The following CEP57L1 variants were observed in gnomAD, a reference collection of about 807,000 sequenced individuals.
CEP57L1 encodes the protein centrosomal protein CEP57L1.
Under a neutral mutation model 61.0 loss-of-function variants are expected in CEP57L1, and 37 were observed. The observed-to-expected ratio is 0.61, with a 90% CI of 0.47 to 0.80. The LOEUF is 0.80. CEP57L1 is among the 30% of genes least tolerant of loss of function. The probability of loss-of-function intolerance (pLI) is 0.00; values close to 1 mark genes in which losing one functional copy is unlikely to be tolerated. For missense variants in CEP57L1, 422 were observed against 524.7 expected (o/e 0.80, Z 1.91); for synonymous variants, 137 against 162.3 (o/e 0.84, Z 1.19).
Position 109,159,047 on chromosome 6 carries a change from G to A in CEP57L1, c.767G>A (p.Arg256Gln), listed in dbSNP as rs748506005. The A allele has an allele frequency of 1.7e-5, 27 of 1,613,330 alleles. 2 individuals carry two copies. The highest frequency in any genetic ancestry group is 6.7e-5 in the Admixed American group (4 of 59,996). ...TAGAAAACTAAATGTATAAAGAGAC[G>A]ACCACCTTGGCAAATTTGTTCAAAG... ...SSKKTKCIKR[R>Q]PPWQICSKFG... The change falls in exon 8 of 11, where the codon CGA becomes CAA. Residue 256 changes from arginine to glutamine, a missense_variant. By Grantham distance (43) the Arg-to-Gln change is conservative. Coordinates refer to ENST00000517392, the MANE Select transcript of CEP57L1 (RefSeq NM_001271852.3).
At position 109,154,125 on chromosome 6, in the gene CEP57L1, A is replaced by G. The variant is rs193125090; in HGVS notation, c.579+176A>G. ...AAAAGTTAATGCGTTCTGTCACAGT[A>G]TGAATGAGCTGTCTTTTGATGTGAA... On this transcript the variant is annotated intron_variant, in intron 5 of 10. Transcript: ENST00000517392. Among the ~76,000 whole-genome samples the G allele has an allele frequency of 6.5e-4, 99 of 152,342 alleles. No individual in the cohort carries two copies. Among genetic ancestry groups the G allele is most frequent in the Middle Eastern group, 6.8e-3 (2 of 294 alleles).
rs1439891890 is a variant in CEP57L1 at position 109,164,501 on chromosome 6, T to G, written c.*1531T>G. On this transcript the variant is annotated 3_prime_UTR_variant, in exon 11 of 11. Coordinates refer to ENST00000517392, the MANE Select transcript of CEP57L1 (RefSeq NM_001271852.3). ...CTTTCACTCCCACTCATTCACACCC[T>G]TAGCTCCTCAGCCCTGGAGATGTTC... Among the ~76,000 whole-genome samples the G allele has an allele frequency of 2.0e-5, 3 of 152,150 alleles. No individual in the cohort carries two copies. The highest frequency in any genetic ancestry group is 4.4e-5 in the Non-Finnish European group (3 of 68,024).
Position 109,163,680 on chromosome 6 carries a change from T to A in CEP57L1, c.*710T>A, listed in dbSNP as rs1773906055. 6.6e-6 allele frequency: 1 copy of A among 152,140 alleles called. No individual in the cohort carries two copies. The highest frequency in any genetic ancestry group is 2.4e-5 in the African/African-American group (1 of 41,440). 9.4% of individuals were successfully genotyped at this position (152,140 alleles called of 1,614,324 possible). ...CTTTTATTCTTTGCATTGTATGTAA[T>A]GTCCATCAGTATAAATTGAGACTGT... On this transcript the variant is annotated 3_prime_UTR_variant, in exon 11 of 11. Coordinates refer to ENST00000517392, the MANE Select transcript of CEP57L1 (RefSeq NM_001271852.3).
intron 1 of CEP57L1, among the ~76,000 whole-genome samples, chr6:109,133,789 C>T (rs539521106): frequency 2.6e-5 from 4 of 152,224 alleles, no homozygotes; most frequent in South Asian, 2.1e-4. Flanking sequence ...AACACCTCTA[C>T]GCAAATAAAC....
At chr6:109,121,142 TAGC>T (rs1680519739) in intron 1 of CEP57L1, among the ~76,000 whole-genome samples, 1 of 152,194 alleles carries the variant, frequency 6.6e-6, no homozygotes, top group Non-Finnish European at 1.5e-5. Flanking sequence ...ACGGGGAAGT[TAGC>T]AGTGGTTGTT....
chr6:109,131,119 G>A (rs1027903854), intron 1 of CEP57L1, among the ~76,000 whole-genome samples: 9 of 152,110 alleles, frequency 5.9e-5, no homozygotes, highest in Non-Finnish European at 1.0e-4. Context: ...CAATTCGAAT[G>A]TCAAAAGATC....
rs1453150863 is a variant in CEP57L1 at position 109,163,115 on chromosome 6, A to T, written c.*145A>T. 1.6e-6 allele frequency: 1 copy of T among 607,554 alleles called. No individual in the cohort carries two copies. The highest frequency in any genetic ancestry group is 2.9e-6 in the Non-Finnish European group (1 of 346,688). The allele number at this position is 607,554 out of a possible 1,614,324, so 37.6% of individuals were successfully genotyped here. A position where few individuals can be genotyped will look rare whatever the true frequency, so the allele number is the denominator to read the frequency against. ...CATGAAGTTGCAGTATTTAAAAATT[A>T]ATGCCTAATGACCTGGTGGGTTCCA... On this transcript the variant is annotated 3_prime_UTR_variant, in exon 11 of 11. Transcript: ENST00000517392.
At chr6:109,130,969 T>C (rs1562531803) in intron 1 of CEP57L1, 1 of 152,178 alleles carries the variant, frequency 6.6e-6, no homozygotes, top group Non-Finnish European at 1.5e-5. Flanking sequence ...CTGCTCCTCA[T>C]TAAACTGTAT....
chr6:109,145,347 C>T lies in CEP57L1; in HGVS notation c.126C>T (p.Thr42=). 1 of 1,610,806 alleles carries T rather than the reference C, an allele frequency of 6.2e-7. No individual in the cohort carries two copies. The highest frequency in any genetic ancestry group is 8.5e-7 in the Non-Finnish European group (1 of 1,178,024). ...GCCATCCTGCAAACTTAGAAGTTACCTCTCCTAAGATACTTCATAGCCCAA... is the reference window on the plus strand; with the variant it reads ...GCCATCCTGCAAACTTAGAAGTTACTTCTCCTAAGATACTTCATAGCCCAA... ...QNCHPANLEV[T]SPKILHSPNS... Residue 42 remains threonine, a synonymous_variant, in exon 2 of 11, where the codon ACC becomes ACT. Coordinates refer to ENST00000517392, the MANE Select transcript of CEP57L1 (RefSeq NM_001271852.3).
chr6:109,127,297 A>G (rs934170623), intron 1 of CEP57L1, among the ~76,000 whole-genome samples: 1 of 152,164 alleles, frequency 6.6e-6, no homozygotes, highest in African/African-American at 2.4e-5. Context: ...AAATAAACCA[A>G]TTTTACTTGA....
intron 1 of CEP57L1, chr6:109,140,284 T>C (rs1771207099): frequency 6.6e-6 from 1 of 152,166 alleles, no homozygotes; most frequent in African/African-American, 2.4e-5. Context: ...AGTTTTCTTT[T>C]GACTTACAAA....
intron 4 of CEP57L1, among the ~76,000 whole-genome samples, chr6:109,153,338 CTCAAGCAATCT>C (rs1327385790): frequency 2.1e-5 from 3 of 146,018 alleles, no homozygotes; most frequent in Non-Finnish European, 4.5e-5. Flanking sequence ...ACTTGCCAGG[CTCAAGCAATCT>C]TCTCATCTCA....
intron 4 of CEP57L1, among the ~76,000 whole-genome samples, chr6:109,150,714 A>C (rs939506987): frequency 4.6e-5 from 7 of 151,856 alleles, no homozygotes; most frequent in African/African-American, 7.3e-5. Context: ...AAAAAATTAC[A>C]CTCAAAGAGA....
rs910886868 is a variant in CEP57L1, at chr6:109,169,419, A to C, written c.*6449A>C. Among the ~76,000 whole-genome samples the C allele has an allele frequency of 3.3e-5, 5 of 152,152 alleles. No individual in the cohort carries two copies. The highest frequency in any genetic ancestry group is 9.7e-5 in the African/African-American group (4 of 41,432). On this transcript the variant is annotated 3_prime_UTR_variant, in exon 11 of 11. Transcript: ENST00000517392. Reference sequence around the variant, plus strand: ...GGGTGTGGAGAAAAGTGGAATAGCCAATTTAAAATAGGAATACTCCCAAGT... The same window carrying C: ...GGGTGTGGAGAAAAGTGGAATAGCCCATTTAAAATAGGAATACTCCCAAGT...
intron 1 of CEP57L1, among the ~76,000 whole-genome samples, chr6:109,125,261 T>C (rs1773412495): frequency 6.6e-6 from 1 of 152,154 alleles, no homozygotes. Flanking sequence ...TTAAACACTT[T>C]AGGAGTCTTT....
intron 1 of CEP57L1, among the ~76,000 whole-genome samples, chr6:109,100,981 C>T (rs1478584384): frequency 6.6e-6 from 1 of 152,032 alleles, no homozygotes; most frequent in African/African-American, 2.4e-5. Context: ...ATGGCACACG[C>T]CTCTAGTCCC....
Position 109,168,150 on chromosome 6 carries a change from C to G in CEP57L1, c.*5180C>G, listed in dbSNP as rs1163512581. ...CTATCTATCTTGATTTATATACCTT[C>G]ACCTTTTTAAATTTTTTGCCTGGTA... On this transcript the variant is annotated 3_prime_UTR_variant, in exon 11 of 11. Transcript: ENST00000517392. Among the ~76,000 whole-genome samples the G allele has an allele frequency of 6.6e-6, 1 of 152,216 alleles. No homozygotes were observed. Among genetic ancestry groups the G allele is most frequent in the Non-Finnish European group, 1.5e-5 (1 of 68,038 alleles).
chr6:109,104,636 C>T (rs1770706857), intron 1 of CEP57L1, among the ~76,000 whole-genome samples: 1 of 152,114 alleles, frequency 6.6e-6, no homozygotes, highest in Non-Finnish European at 1.5e-5. Context: ...GACCAGAGTG[C>T]AGTGGCACAA....
At chr6:109,122,420 C>T (rs1279435907) in intron 1 of CEP57L1, among the ~76,000 whole-genome samples, 6 of 151,916 alleles carry the variant, frequency 3.9e-5, no homozygotes, top group African/African-American at 1.5e-4. Context: ...ATGGGAGGCT[C>T]TTATTTGGGG....
Sources: gnomAD v4.1 joint callset for allele counts (sites outside exome capture counted in the v4.1 genomes callset) on GRCh38, gnomAD v4.1.1 for gene constraint, MANE v1.5 for transcripts, NCBI Gene and HGNC (gene_info 2026-07-23, HGNC 2026-07-21) for gene names.